COL6A5: variants seen among roughly 807,000 people sequenced by gnomAD.
COL6A5 encodes collagen alpha-5(VI) chain.
In COL6A5, 48 loss-of-function variants were observed where a neutral mutation model predicts 65.6. The observed-to-expected ratio is 0.73, with a 90% CI of 0.58 to 0.93. COL6A5 has a LOEUF of 0.93. Ranked by LOEUF, COL6A5 falls within the 40% of genes least tolerant of loss-of-function variation. COL6A5 has a pLI of 0.00. For missense variants in COL6A5, 914 were observed against 928.3 expected (o/e 0.98, Z 0.20); for synonymous variants, 291 against 322.8 (o/e 0.90, Z 1.05).
At position 130,405,545 on chromosome 3, in the gene COL6A5, C is replaced by A. The variant is rs536350814; in HGVS notation, c.4282-43C>A. The A allele has an allele frequency of 2.7e-5, 40 of 1,474,338 alleles. No individual in the cohort carries two copies. The East Asian group carries it at 9.1e-4, about 34-fold the overall frequency. 91.3% of individuals were successfully genotyped at this position (1,474,338 alleles called of 1,614,324 possible). A position where few individuals can be genotyped will look rare whatever the true frequency, so the allele number is the denominator to read the frequency against. On this transcript the variant is annotated intron_variant and NMD_transcript_variant, in intron 13 of 41. Coordinates refer to the COL6A5 transcript ENST00000312481. ...AAAATAAACCACTGGCAGCTTCTGG[C>A]AAAAACATCACTTTGGGTACCTGTC...
At chr3:130,414,327 G>A (rs945482462) in intron 22 of COL6A5, among the ~76,000 whole-genome samples, 196 bp downstream of exon 22, 1 of 152,076 alleles carries the variant, frequency 6.6e-6, no homozygotes, top group Non-Finnish European at 1.5e-5. Flanking sequence ...ATAAGCCTTT[G>A]TAGAGGAAAG....
In COL6A5 at chr3:130,403,607, A is replaced by G. The variant is rs1936887064; in HGVS notation, c.4228-2A>G. On this transcript the variant is annotated splice_acceptor_variant and NMD_transcript_variant, in intron 12 of 41. Coordinates refer to the COL6A5 transcript ENST00000312481. The stretch of plus-strand genomic sequence containing the variant: ...AATGTATTGTTCTCTCTTTCTTCCC[A>G]GGGTTCTCAAGGTCTGAAAGGCAGC... 6.4e-7 allele frequency: 1 copy of G among 1,550,626 alleles called. No individual in the cohort carries two copies. The highest frequency in any genetic ancestry group is 1.4e-5 in the African/African-American group (1 of 72,910).
At chr3:130,458,882 A>G (rs1462854920) in intron 5 of COL6A5, among the ~76,000 whole-genome samples, 1 of 152,154 alleles carries the variant, frequency 6.6e-6, no homozygotes, top group African/African-American at 2.4e-5. Flanking sequence ...TTACTTGCCA[A>G]CAGAATGCAC....
exon 6 of COL6A5, chr3:130,389,117 G>T: frequency 6.9e-7 from 1 of 1,438,854 alleles, no homozygotes; most frequent in Non-Finnish European, 9.2e-7. Context: ...CTTATCTTTC[G>T]TGTGTGTGCT....
intron 5 of COL6A5, among the ~76,000 whole-genome samples, chr3:130,388,343 TATGC>T (rs71620080): frequency 4.0e-5 from 6 of 151,126 alleles, no homozygotes; most frequent in South Asian, 2.1e-4. Context: ...ATAAATGAGT[TATGC>T]ATGCATGCAT....
chr3:130,398,554 C>T (rs1490151768), intron 10 of COL6A5, among the ~76,000 whole-genome samples: 1 of 152,184 alleles, frequency 6.6e-6, no homozygotes, highest in Admixed American at 6.5e-5. Context: ...CTCATCTAAT[C>T]CCCGTTGACC....
At chr3:130,478,396 G>A (rs1257002687) in intron 7 of COL6A5, among the ~76,000 whole-genome samples, 9 of 152,078 alleles carry the variant, frequency 5.9e-5, no homozygotes, top group Admixed American at 2.6e-4. Context: ...TTTCTTCTCA[G>A]TGTAATGAAA....
chr3:130,445,437 C>T (rs942831676), intron 4 of COL6A5, among the ~76,000 whole-genome samples: 2 of 152,144 alleles, frequency 1.3e-5, no homozygotes, highest in African/African-American at 4.8e-5. Flanking sequence ...TGATATTTCC[C>T]ACTAACAGCA....
intron 6 of COL6A5, 134 bp from the exon 39 acceptor site, chr3:130,470,737 G>A (rs1315045551): frequency 9.6e-6 from 6 of 623,276 alleles, no homozygotes. Flanking sequence ...GTCAGAGTGT[G>A]CCTATTTTGT....
At chr3:130,356,256 C>T (rs1414553240) in intron 1 of COL6A5, among the ~76,000 whole-genome samples, 5 of 152,042 alleles carry the variant, frequency 3.3e-5, no homozygotes, top group Non-Finnish European at 5.9e-5. Context: ...AAATAACTAG[C>T]ATGGTGTAGA....
chr3:130,375,648 A>T (rs1935738535), intron 2 of COL6A5, among the ~76,000 whole-genome samples: 1 of 152,120 alleles, frequency 6.6e-6, no homozygotes, highest in Non-Finnish European at 1.5e-5. Flanking sequence ...GTAATTTACA[A>T]AGGAAAGAGG....
rs147775193 is a variant in COL6A5, at chr3:130,413,575, G to A, written c.4693G>A (p.Val1565Ile). The change falls in exon 21 of 42, where the codon GTC (valine) becomes ATC (isoleucine). Residue 1565 changes from valine (V) to isoleucine (I), a missense_variant and NMD_transcript_variant. By Grantham distance (29) the Val-to-Ile change is conservative. Transcript: ENST00000312481. ...AGAAGGTCAAAGGGGACTCCGAGGTGTCTCAGTAAGTAACCTTGACTTCCT... is the reference window on the plus strand; with the variant it reads ...AGAAGGTCAAAGGGGACTCCGAGGTATCTCAGTAAGTAACCTTGACTTCCT... 33 of 1,549,060 alleles carry A rather than the reference G, an allele frequency of 2.1e-5. No homozygotes were observed. In the Middle Eastern group the frequency reaches 5.0e-4, roughly 24 times the overall value.
chr3:130,483,483 T>C lies in COL6A5; in HGVS notation c.2329-552T>C, dbSNP rs562793634. 8.4e-4 allele frequency among the ~76,000 whole-genome samples: 128 copies of C among 152,282 alleles called. 1 individual carries two copies. Among genetic ancestry groups the C allele is most frequent in the African/African-American group, 2.9e-3 (120 of 41,578 alleles). ...TCTTACTTCCTCCTAGGTTATTGAT[T>C]GGTCAAGAGCTGCTGTGGAGAGAAT... On this transcript the variant is annotated intron_variant, in intron 7 of 7. Transcript: ENST00000512836.
intron 1 of COL6A5, among the ~76,000 whole-genome samples, chr3:130,348,971 T>C (rs1202416440): frequency 1.3e-5 from 2 of 152,288 alleles, no homozygotes; most frequent in East Asian, 3.9e-4. Flanking sequence ...TTGTTTGTTT[T>C]TCTGTTGTGA....
In COL6A5 at chr3:130,446,070, C is replaced by A. The variant is rs538849880; in HGVS notation, c.1332+2504C>A. Among the ~76,000 whole-genome samples the A allele has an allele frequency of 4.6e-5, 7 of 152,258 alleles. No individual in the cohort carries two copies. The East Asian group carries it at 1.4e-3, about 29-fold the overall frequency. On this transcript the variant is annotated intron_variant, in intron 4 of 7. Transcript: ENST00000512836. ...ATGTCCCATTTTATCTGTAGCTGAT[C>A]TTTCCGGAAGATAAACAGCCTGGAC...
chr3:130,410,710 C>A (rs1365717948), intron 20 of COL6A5, among the ~76,000 whole-genome samples, 186 bp downstream of exon 20: 1 of 152,096 alleles, frequency 6.6e-6, no homozygotes, highest in Non-Finnish European at 1.5e-5. Flanking sequence ...CTATGCATTG[C>A]CAGATGTTTT....
chr3:130,403,594 T>C lies in COL6A5; in HGVS notation c.4228-15T>C. On this transcript the variant is annotated splice_polypyrimidine_tract_variant and intron_variant and NMD_transcript_variant, in intron 12 of 41. Transcript: ENST00000312481. The stretch of plus-strand genomic sequence containing the variant: ...GGGGGGTGACTAAAATGTATTGTTC[T>C]CTCTTTCTTCCCAGGGTTCTCAAGG... 6.5e-7 allele frequency: 1 copy of C among 1,549,612 alleles called. No individual in the cohort carries two copies. The highest frequency in any genetic ancestry group is 8.7e-7 in the Non-Finnish European group (1 of 1,145,528).
intron 1 of COL6A5, among the ~76,000 whole-genome samples, chr3:130,432,981 T>G (rs1405517329): frequency 1.3e-5 from 2 of 152,206 alleles, no homozygotes; most frequent in Non-Finnish European, 2.9e-5. Context: ...CTTCTGGAGC[T>G]GTGTAAAGCC....
intron 4 of COL6A5, 48 bp from the exon 37 acceptor site, chr3:130,455,407 C>T (rs2107599925): frequency 8.7e-7 from 1 of 1,149,942 alleles, no homozygotes; most frequent in East Asian, 2.4e-5. Context: ...TTATTTGCCT[C>T]CTTCTCTAAA....
Sources: gnomAD v4.1 joint callset for allele counts (sites outside exome capture counted in the v4.1 genomes callset) on GRCh38, gnomAD v4.1.1 for gene constraint, MANE v1.5 for transcripts, NCBI Gene and HGNC (gene_info 2026-07-23, HGNC 2026-07-21) for gene names.